The following HIPK2 variants were observed in gnomAD, a reference collection of about 807,000 sequenced individuals.
HIPK2 encodes the protein homeodomain-interacting protein kinase 2.
HIPK2 carries 27 observed loss-of-function variants against 113.7 expected under a neutral mutation model. That is an observed-to-expected ratio of 0.24 (90% CI 0.17 to 0.33). The LOEUF (loss-of-function observed/expected upper bound fraction) is 0.33, where lower values mean the gene tolerates loss of function less well. HIPK2 is among the 10% of genes least tolerant of loss of function. The pLI, the probability that HIPK2 is intolerant of heterozygous loss-of-function variation, is 1.00. For missense variants in HIPK2, 1,257 were observed against 1,588.0 expected, an observed-to-expected ratio of 0.79 and a Z score of 3.54; for synonymous variants, 631 against 642.2, an observed-to-expected ratio of 0.98 and a Z score of 0.26.
chr7:139,580,100 T>C (rs1350348764), intron 13 of HIPK2, among the ~76,000 whole-genome samples: 1 of 152,210 alleles, frequency 6.6e-6, no homozygotes, highest in African/African-American at 2.4e-5. Context: ...AGCCTGCTTC[T>C]TGCCTTCTGC....
intron 2 of HIPK2, among the ~76,000 whole-genome samples, chr7:139,702,039 G>A (rs1050511017): frequency 1.3e-4 from 20 of 152,162 alleles, no homozygotes; most frequent in Non-Finnish European, 2.4e-4. Context: ...GGGAGCACAC[G>A]AGGAGCAGAG....
chr7:139,583,564 T>C, intron 13 of HIPK2: 2 of 505,126 alleles, frequency 4.0e-6, no homozygotes, highest in African/African-American at 1.9e-5. Flanking sequence ...ATCAACCTAG[T>C]TGGAAGCAGA....
Position 139,716,494 on chromosome 7 carries a change from C to T in HIPK2, c.541G>A (p.Glu181Lys). ...TGCTGCACCAGCTGATAGTCGCCCT[C>T]GCTGTTGGAGCCGCTGTTTTTGGAG... ...ATSKNSGSNSEGDYQLVQHEV... is the reference protein window; with the variant it reads ...ATSKNSGSNSKGDYQLVQHEV... Residue 181 changes from glutamate (E) to lysine (K), a missense_variant, in exon 2 of 15, where the codon GAG becomes AAG. Coordinates refer to ENST00000406875, the MANE Select transcript of HIPK2 (RefSeq NM_022740.5). The surrounding 1 kb of genome is among the most constrained non-coding windows in gnomAD (Gnocchi z 9.3). 3 of 1,614,008 alleles carry T rather than the reference C, an allele frequency of 1.9e-6. No homozygotes were observed. Among genetic ancestry groups the T allele is most frequent in the Non-Finnish European group, 2.5e-6 (3 of 1,179,894 alleles).
Position 139,634,674 on chromosome 7 carries a change from G to GTTTTTT in HIPK2, c.1104-2955_1104-2950dup, listed in dbSNP as rs1181829827. Reference sequence around the variant, plus strand: ...AAAAAGAAGGGACTATCTGTTTCAGGTTTTTTTTTTTTTTTTTTTTTGAGA... The same window carrying GTTTTTT: ...AAAAAGAAGGGACTATCTGTTTCAGGTTTTTTTTTTTTTTTTTTTTTTTTTTTGAGA... On this transcript the variant is annotated intron_variant, in intron 2 of 14. Transcript: ENST00000406875. Among the ~76,000 whole-genome samples the GTTTTTT allele has an allele frequency of 8.1e-4, 92 of 113,616 alleles. 8 individuals carry two copies. Among genetic ancestry groups the GTTTTTT allele is most frequent in the African/African-American group, 3.0e-3 (75 of 24,854 alleles). The allele number at this position is 113,616 out of a possible 152,430, so 74.5% of individuals were successfully genotyped here.
chr7:139,699,462 C>T (rs1794649636), intron 2 of HIPK2, among the ~76,000 whole-genome samples: 2 of 152,170 alleles, frequency 1.3e-5, no homozygotes. Flanking sequence ...GAGGACCATG[C>T]TTAGGCCACA....
Position 139,626,696 on chromosome 7 carries a change from C to G in HIPK2, c.1524G>C (p.Leu508=). Residue 508 remains leucine (L), a synonymous_variant, in exon 6 of 15, where the codon CTG becomes CTC. Coordinates refer to ENST00000406875, the MANE Select transcript of HIPK2 (RefSeq NM_022740.5). ...REFIDLLKKM[L]TIDADKRITP... is the part of the protein sequence containing the mutation. ...TGATTCTCTTGTCAGCATCAATGGTCAGCATCTTCTTCAACAGGTCAATGA... is the reference window on the plus strand; with the variant it reads ...TGATTCTCTTGTCAGCATCAATGGTGAGCATCTTCTTCAACAGGTCAATGA... The G allele has an allele frequency of 6.2e-7, 1 of 1,613,970 alleles. No homozygotes were observed. Among genetic ancestry groups the G allele is most frequent in the Non-Finnish European group, 8.5e-7 (1 of 1,179,902 alleles).
At chr7:139,697,494 G>C (rs1253209812) in intron 2 of HIPK2, among the ~76,000 whole-genome samples, 1 of 151,848 alleles carries the variant, frequency 6.6e-6, no homozygotes, top group Non-Finnish European at 1.5e-5. Flanking sequence ...AACAATGCTA[G>C]GTCCCACGTA....
rs1361123896 is a variant in HIPK2 at position 139,572,086 on chromosome 7, G to A, written c.*841C>T. The stretch of plus-strand genomic sequence containing the variant: ...GCTAGCCCTACGCTACGCGACTAGG[G>A]GTGGATTCAAAGAGAAAATACATTT... On this transcript the variant is annotated 3_prime_UTR_variant, in exon 15 of 15. Transcript: ENST00000406875. The A allele has an allele frequency of 6.6e-6, 1 of 152,230 alleles. No homozygotes were observed. Among genetic ancestry groups the A allele is most frequent in the Non-Finnish European group, 1.5e-5 (1 of 68,054 alleles). The allele number at this position is 152,230 out of a possible 1,614,324, so 9.4% of individuals were successfully genotyped here.
In HIPK2 at chr7:139,584,006, A is replaced by C; in HGVS notation, c.2776T>G (p.Tyr926Asp). The C allele has an allele frequency of 1.2e-6, 2 of 1,613,468 alleles. No homozygotes were observed. Among genetic ancestry groups the C allele is most frequent in the East Asian group, 2.2e-5 (1 of 44,870 alleles). Residue 926 changes from tyrosine (Y) to aspartate (D), a missense_variant, in exon 13 of 15, where the codon TAC becomes GAC. Transcript: ENST00000406875. ...ISCVTVHDSPYSDSSSNTSPY... is the reference protein window; with the variant it reads ...ISCVTVHDSPDSDSSSNTSPY... Reference sequence around the variant, plus strand: ...CTGGTGTTGCTGGAGGAGTCGGAGTAGGGGGAGTCGTGGACTGTGACACAG... The same window carrying C: ...CTGGTGTTGCTGGAGGAGTCGGAGTCGGGGGAGTCGTGGACTGTGACACAG...
chr7:139,768,655 T>G (rs573991120), intron 1 of HIPK2, among the ~76,000 whole-genome samples: 1 of 152,286 alleles, frequency 6.6e-6, no homozygotes, highest in Admixed American at 6.5e-5. Flanking sequence ...AAACACTCCC[T>G]GCAGGAGGGG....
At chr7:139,741,374 C>T (rs899783511) in intron 1 of HIPK2, among the ~76,000 whole-genome samples, 1 of 152,196 alleles carries the variant, frequency 6.6e-6, no homozygotes, top group Admixed American at 6.5e-5. Context: ...CCCCATCCTT[C>T]GTATCGTCCT....
intron 1 of HIPK2, among the ~76,000 whole-genome samples, chr7:139,749,521 T>C (rs1412930895): frequency 2.0e-5 from 3 of 152,196 alleles, no homozygotes; most frequent in African/African-American, 7.2e-5. Flanking sequence ...GAGCCTGAGA[T>C]CTACTTCACA....
At chr7:139,771,781 G>C (rs563188003) in intron 1 of HIPK2, among the ~76,000 whole-genome samples, 1 of 152,286 alleles carries the variant, frequency 6.6e-6, no homozygotes, top group Admixed American at 6.5e-5. Flanking sequence ...AGAGAGAAAG[G>C]AGATGCTTTC....
At chr7:139,662,162 CCT>C (rs1346859188) in intron 2 of HIPK2, among the ~76,000 whole-genome samples, 1 of 152,180 alleles carries the variant, frequency 6.6e-6, no homozygotes, top group Middle Eastern at 3.2e-3. Flanking sequence ...GGGACCTCGC[CCT>C]CTTTAATCCA....
intron 2 of HIPK2, among the ~76,000 whole-genome samples, chr7:139,660,780 C>T (rs771793303): frequency 2.0e-5 from 3 of 152,178 alleles, no homozygotes; most frequent in Non-Finnish European, 2.9e-5. Context: ...AGAATTATTC[C>T]AAGCAACAGA....
chr7:139,712,247 G>T (rs144658686), intron 2 of HIPK2, among the ~76,000 whole-genome samples: 73 of 152,358 alleles, frequency 4.8e-4, no homozygotes, highest in African/African-American at 1.6e-3. Context: ...AGCCACTGTG[G>T]CCAGGCACAT....
intron 2 of HIPK2, among the ~76,000 whole-genome samples, chr7:139,666,497 G>A (rs1802053833): frequency 6.6e-6 from 1 of 152,184 alleles, no homozygotes; most frequent in Non-Finnish European, 1.5e-5. Flanking sequence ...GGGGCTTTAA[G>A]TACTCAGATA....
At chr7:139,609,137 T>C (rs1220042277) in intron 9 of HIPK2, among the ~76,000 whole-genome samples, 3 of 152,192 alleles carry the variant, frequency 2.0e-5, no homozygotes, top group African/African-American at 7.2e-5. Flanking sequence ...TTCCCATCTC[T>C]CCACTATTAC....
At chr7:139,676,971 A>G (rs1464259673) in intron 2 of HIPK2, among the ~76,000 whole-genome samples, 1 of 150,370 alleles carries the variant, frequency 6.7e-6, no homozygotes, top group African/African-American at 2.5e-5. Context: ...AAGTGATTCT[A>G]CTGCTTCAGC....
Sources: gnomAD v4.1 joint callset for allele counts (sites outside exome capture counted in the v4.1 genomes callset) on GRCh38, gnomAD v4.1.1 for gene constraint, Gnocchi (gnomAD v3.1) non-coding constraint, MANE v1.5 for transcripts, NCBI Gene and HGNC (gene_info 2026-07-23, HGNC 2026-07-21) for gene names.